Variants in GRM7 observed in about 807,000 individuals in gnomAD.
The protein encoded by GRM7 is glutamate metabotropic receptor 7.
A neutral mutation model predicts 84.5 loss-of-function variants in GRM7; 35 were observed. That is an observed-to-expected ratio of 0.41 (90% CI 0.32 to 0.55). GRM7 has a LOEUF of 0.55. GRM7 is among the 20% of genes least tolerant of loss of function. The probability of loss-of-function intolerance (pLI) is 0.19; values close to 1 mark genes in which losing one functional copy is unlikely to be tolerated. For synonymous variants in GRM7, 487 were observed against 455.1 expected (o/e 1.07, Z -0.89); for missense variants, 1,003 against 1,194.6 (o/e 0.84, Z 2.36).
At position 7,306,584 on chromosome 3, in the gene GRM7, C is replaced by G. The variant is rs1700201739; in HGVS notation, c.965C>G (p.Pro322Arg). ...GACAGCTGGGGATCCAAAATAAACC[C>G]ACTGCACCAGCATGAAGATATCGCA... ...GSDSWGSKIN[P>R]LHQHEDIAEG... The change falls in exon 4 of 10, where the codon CCA becomes CGA. Residue 322 changes from proline to arginine, a missense_variant. This residue lies in a region of GRM7 where 910 missense variants were observed against 1,126.0 expected (regional missense o/e 0.81). Transcript: ENST00000357716. 6.2e-7 allele frequency: 1 copy of G among 1,613,708 alleles called. No individual in the cohort carries two copies. The highest frequency in any genetic ancestry group is 8.5e-7 in the Non-Finnish European group (1 of 1,179,798).
intron 1 of GRM7, among the ~76,000 whole-genome samples, chr3:6,893,494 G>C (rs1696050880): frequency 6.6e-6 from 1 of 152,100 alleles, no homozygotes; most frequent in African/African-American, 2.4e-5. Flanking sequence ...AATTATCTTT[G>C]TGTTGTTTTC....
intron 1 of GRM7, among the ~76,000 whole-genome samples, chr3:7,099,545 ATATATG>A (rs1463462985): frequency 6.8e-6 from 1 of 147,344 alleles, no homozygotes; most frequent in Non-Finnish European, 1.5e-5. Flanking sequence ...ACATGTACAC[ATATATG>A]TATATGTACA....
intron 2 of GRM7, among the ~76,000 whole-genome samples, chr3:7,150,622 A>G (rs1338880608): frequency 6.6e-6 from 1 of 152,230 alleles, no homozygotes; most frequent in Non-Finnish European, 1.5e-5. Context: ...TAAAACAGTT[A>G]TATTTGCATA....
Position 7,719,779 on chromosome 3 carries a change from AACACACACACAC to A in GRM7, c.2699-20542_2699-20531del, listed in dbSNP as rs71043692. Among the ~76,000 whole-genome samples, 545 of 133,506 alleles carry A rather than the reference AACACACACACAC, an allele frequency of 4.1e-3. 6 individuals carry two copies. The highest frequency in any genetic ancestry group is 0.032 in the East Asian group (148 of 4,568). The allele number at this position is 133,506 out of a possible 152,430, so 87.6% of individuals were successfully genotyped here. A position where few individuals can be genotyped will look rare whatever the true frequency, so the allele number is the denominator to read the frequency against. On this transcript the variant is annotated intron_variant, in intron 9 of 9. Transcript: ENST00000357716. ...GTGAGCCAAGATTGCACCACTGGGC[AACACACACACAC>A]ACACACACACACACACACACACACA...
intron 2 of GRM7, among the ~76,000 whole-genome samples, chr3:7,175,963 G>C (rs1026201094): frequency 6.6e-6 from 1 of 152,064 alleles, no homozygotes; most frequent in African/African-American, 2.4e-5. Context: ...ATCTATCTGT[G>C]TGTAGGTGGG....
intron 4 of GRM7, among the ~76,000 whole-genome samples, chr3:7,339,120 A>G (rs59893652): frequency 0.039 from 5,942 of 152,196 alleles, 244 homozygotes; most frequent in African/African-American, 0.1. Context: ...AATATGTTCT[A>G]GGTAGGGATA....
chr3:7,199,408 A>G (rs1364131005), intron 2 of GRM7, among the ~76,000 whole-genome samples: 1 of 152,226 alleles, frequency 6.6e-6, no homozygotes, highest in Admixed American at 6.5e-5. Context: ...AGAACCACTT[A>G]GCCAATCTTT....
chr3:7,445,596 CA>C (rs1697471685), intron 5 of GRM7, among the ~76,000 whole-genome samples: 1 of 152,118 alleles, frequency 6.6e-6, no homozygotes, highest in Non-Finnish European at 1.5e-5. Context: ...AGCAATACTG[CA>C]GACATTTTGG....
chr3:7,740,933 A>C lies in GRM7; in HGVS notation c.*527A>C, dbSNP rs1702672456. The C allele has an allele frequency of 6.6e-6, 1 of 152,634 alleles. No individual in the cohort carries two copies. The highest frequency in any genetic ancestry group is 1.5e-5 in the Non-Finnish European group (1 of 68,078). The allele number at this position is 152,634 out of a possible 1,614,324, so 9.5% of individuals were successfully genotyped here. A position where few individuals can be genotyped will look rare whatever the true frequency, so the allele number is the denominator to read the frequency against. ...TTAAAACAATTAAAATTTTAAAGCA[A>C]TCTTGGCAGACTAAAACAAGTACAT... On this transcript the variant is annotated 3_prime_UTR_variant, in exon 10 of 10. Transcript: ENST00000357716.
chr3:7,701,586 G>C (rs1701232275), intron 9 of GRM7, among the ~76,000 whole-genome samples: 1 of 152,144 alleles, frequency 6.6e-6, no homozygotes, highest in Non-Finnish European at 1.5e-5. Context: ...ACAGGTGTGA[G>C]CCACCATGCC....
At chr3:7,185,486 A>C (rs1559491084) in intron 2 of GRM7, among the ~76,000 whole-genome samples, 1 of 152,142 alleles carries the variant, frequency 6.6e-6, no homozygotes, top group Non-Finnish European at 1.5e-5. Flanking sequence ...GATGGACCCC[A>C]CTATGTAGCT....
At chr3:7,719,744 G>A (rs1432781140) in intron 9 of GRM7, among the ~76,000 whole-genome samples, 13 of 149,344 alleles carry the variant, frequency 8.7e-5, no homozygotes, top group Non-Finnish European at 1.8e-4. Context: ...CCTGAGAGGC[G>A]GAGCTTGCAG....
chr3:7,390,374 A>G (rs1014324674), intron 4 of GRM7, among the ~76,000 whole-genome samples: 15 of 152,078 alleles, frequency 9.9e-5, no homozygotes, highest in African/African-American at 3.6e-4. Flanking sequence ...TGGATATTTT[A>G]TATCTGCATG....
intron 9 of GRM7, among the ~76,000 whole-genome samples, chr3:7,692,985 T>C (rs1371298004): frequency 2.6e-5 from 4 of 151,958 alleles, no homozygotes; most frequent in Non-Finnish European, 5.9e-5. Context: ...TTCTTTTTTT[T>C]TTTTTCTTTT....
intron 7 of GRM7, among the ~76,000 whole-genome samples, chr3:7,562,188 C>T (rs146432375): frequency 1.3e-5 from 2 of 152,016 alleles, no homozygotes; most frequent in African/African-American, 4.8e-5. Flanking sequence ...TTTTTCTTGC[C>T]AGCTATTCAC....
intron 1 of GRM7, among the ~76,000 whole-genome samples, chr3:6,951,754 G>T (rs1692778453): frequency 6.6e-6 from 1 of 152,130 alleles, no homozygotes; most frequent in African/African-American, 2.4e-5. Flanking sequence ...TCAGTGGAAG[G>T]TTCTATAAAT....
chr3:7,588,558 A>G (rs1695626356), intron 8 of GRM7, among the ~76,000 whole-genome samples: 1 of 152,188 alleles, frequency 6.6e-6, no homozygotes, highest in Admixed American at 6.5e-5. Context: ...ACATTTTCCC[A>G]TCTAAGTCTC....
At chr3:7,078,923 A>G (rs1698186806) in intron 1 of GRM7, among the ~76,000 whole-genome samples, 1 of 151,476 alleles carries the variant, frequency 6.6e-6, no homozygotes, top group East Asian at 1.9e-4. Context: ...GGTAGGGACT[A>G]TCTTCGAAGT....
intron 1 of GRM7, among the ~76,000 whole-genome samples, chr3:6,870,028 T>A (rs1184760800): frequency 6.6e-6 from 1 of 152,104 alleles, no homozygotes; most frequent in East Asian, 1.9e-4. Flanking sequence ...CTTTTTTTTT[T>A]CTTTTTGCTT....
Sources: gnomAD v4.1 joint callset for allele counts (sites outside exome capture counted in the v4.1 genomes callset) on GRCh38, gnomAD v4.1.1 for gene constraint, gnomAD v4.1.1 regional missense constraint, MANE v1.5 for transcripts, NCBI Gene and HGNC (gene_info 2026-07-23, HGNC 2026-07-21) for gene names.